SCTR: variants seen among roughly 807,000 people sequenced by gnomAD.
The protein encoded by SCTR is secretin receptor, also known as pancreatic secretin receptor.
Under a neutral mutation model 60.8 loss-of-function variants are expected in SCTR, and 56 were observed. The ratio of observed to expected loss-of-function variants is 0.92; its 90% confidence interval spans 0.74 to 1.15. The LOEUF (loss-of-function observed/expected upper bound fraction) is 1.15, where lower values mean the gene tolerates loss of function less well. Ranked by LOEUF, SCTR falls within the 50% of genes most tolerant of loss-of-function variation. The probability of loss-of-function intolerance (pLI) is 0.00; values close to 1 mark genes in which losing one functional copy is unlikely to be tolerated. For synonymous variants in SCTR, 202 were observed against 217.0 expected, an observed-to-expected ratio of 0.93 and a Z score of 0.61; for missense variants, 562 against 550.4, an observed-to-expected ratio of 1.02 and a Z score of -0.21.
chr2:119,479,119 C>T (rs1169696332), intron 2 of SCTR: 32 of 1,362,138 alleles, frequency 2.3e-5, no homozygotes, highest in Non-Finnish European at 3.0e-5. Context: ...CACGGTAGTG[C>T]TCAGTGTTGA....
intron 7 of SCTR, among the ~76,000 whole-genome samples, chr2:119,455,278 G>A (rs1683331031): frequency 6.6e-6 from 1 of 152,166 alleles, no homozygotes; most frequent in South Asian, 2.1e-4. Flanking sequence ...AGCCATGGGG[G>A]GACCCCCCAA....
intron 4 of SCTR, among the ~76,000 whole-genome samples, chr2:119,469,397 C>T (rs1484557651): frequency 1.3e-5 from 2 of 152,126 alleles, no homozygotes; most frequent in African/African-American, 4.8e-5. Flanking sequence ...CATGTAGACC[C>T]GTTCTTGCCT....
In SCTR at chr2:119,457,332, T is replaced by C. The variant is rs557187361; in HGVS notation, c.791-3985A>G. 3.3e-5 allele frequency among the ~76,000 whole-genome samples: 5 copies of C among 152,328 alleles called. No homozygotes were observed. The East Asian group carries it at 9.6e-4, about 29-fold the overall frequency. ...GTCTCAGTGGTAAACACTATTTACA[T>C]AGATATAATAATGTATACACTGAAT... On this transcript the variant is annotated intron_variant, in intron 7 of 12. Transcript: ENST00000019103.
chr2:119,481,719 A>G (rs903117046), intron 2 of SCTR, among the ~76,000 whole-genome samples: 6 of 152,210 alleles, frequency 3.9e-5, no homozygotes, highest in Non-Finnish European at 7.3e-5. Context: ...CCAGGAGAGC[A>G]CGCCCCTGTG....
At chr2:119,502,287 T>C (rs535179181) in intron 1 of SCTR, among the ~76,000 whole-genome samples, 6 of 151,954 alleles carry the variant, frequency 3.9e-5, no homozygotes, top group Non-Finnish European at 7.4e-5. Flanking sequence ...CAGAATCAAT[T>C]AAAAAAAGAG....
At chr2:119,473,965 G>T (rs569185942) in intron 3 of SCTR, among the ~76,000 whole-genome samples, 2 of 152,266 alleles carry the variant, frequency 1.3e-5, no homozygotes, top group Admixed American at 6.5e-5. Flanking sequence ...GTTTTAAATG[G>T]AACTTCATGC....
chr2:119,486,473 C>T (rs990016065), intron 2 of SCTR: 1 of 152,238 alleles, frequency 6.6e-6, no homozygotes, highest in Non-Finnish European at 1.5e-5. Context: ...GAGAACTCTT[C>T]CTCACCTGAC....
chr2:119,492,056 A>G (rs1045907950), intron 2 of SCTR, among the ~76,000 whole-genome samples: 21 of 152,222 alleles, frequency 1.4e-4, no homozygotes, highest in Non-Finnish European at 2.4e-4. Flanking sequence ...GAGTGTCAGG[A>G]AAGTCTGGCT....
chr2:119,523,392 C>CTATTATTATTAT lies in SCTR; in HGVS notation c.72+751_72+762dup, dbSNP rs70947300. Among the ~76,000 whole-genome samples, 52 of 134,252 alleles carry CTATTATTATTAT rather than the reference C, an allele frequency of 3.9e-4. 1 individual carries two copies. The highest frequency in any genetic ancestry group is 1.1e-3 in the East Asian group (5 of 4,560). 88.1% of individuals were successfully genotyped at this position (134,252 alleles called of 152,430 possible). A position where few individuals can be genotyped will look rare whatever the true frequency, so the allele number is the denominator to read the frequency against. On this transcript the variant is annotated intron_variant, in intron 1 of 12. Transcript: ENST00000019103. Reference sequence around the variant, plus strand: ...GAAAAACAAACCACCCATCCTGCCGCTATTATTATTATTATTATTATTATT... The same window carrying CTATTATTATTAT: ...GAAAAACAAACCACCCATCCTGCCGCTATTATTATTATTATTATTATTATTATTATTATTATT...
rs1239812794 is a variant in SCTR, at chr2:119,463,934, T to C, written c.636+189A>G. ...CTTCTCTCCTACATGACCCAGATTG[T>C]GCACATGTGGCTGTGGAATCTCCCT... is the stretch of plus-strand genomic sequence containing the variant. On this transcript the variant is annotated intron_variant, in intron 6 of 12. Coordinates refer to ENST00000019103, the MANE Select transcript of SCTR (RefSeq NM_002980.3). Among the ~76,000 whole-genome samples, 4 of 151,950 alleles carry C rather than the reference T, an allele frequency of 2.6e-5. No homozygotes were observed. The East Asian group carries it at 7.7e-4, about 29-fold the overall frequency.
chr2:119,493,420 ACCCCT>A (rs1284978195), intron 2 of SCTR, among the ~76,000 whole-genome samples: 3 of 152,124 alleles, frequency 2.0e-5, no homozygotes, highest in Non-Finnish European at 2.9e-5. Context: ...TTAATGCTAT[ACCCCT>A]CCTTATCCTT....
At chr2:119,477,785 G>A (rs1398390866) in intron 3 of SCTR, among the ~76,000 whole-genome samples, 4 of 152,200 alleles carry the variant, frequency 2.6e-5, no homozygotes. Context: ...TTTGCATGAA[G>A]GCTTTGAGAT....
chr2:119,500,917 G>T (rs1321622776), intron 1 of SCTR, among the ~76,000 whole-genome samples: 1 of 152,070 alleles, frequency 6.6e-6, no homozygotes, highest in African/African-American at 2.4e-5. Flanking sequence ...AAATATTTAA[G>T]GTGATGGCTA....
chr2:119,465,677 G>T lies in SCTR; in HGVS notation c.503+112C>A, dbSNP rs980639933. The T allele has an allele frequency of 6.8e-6, 5 of 731,244 alleles. No individual in the cohort carries two copies. The African/African-American group carries it at 7.0e-5, about 10-fold the overall frequency. 45.3% of individuals were successfully genotyped at this position (731,244 alleles called of 1,614,324 possible). ...ATAGGTCAGCTTTAGATCAAGAGAC[G>T]ACAAGGTAGTTCACTCAGACCTTCC... On this transcript the variant is annotated intron_variant, in intron 5 of 12. Coordinates refer to ENST00000019103, the MANE Select transcript of SCTR (RefSeq NM_002980.3).
chr2:119,463,013 T>C (rs1015781324), intron 6 of SCTR, among the ~76,000 whole-genome samples: 2 of 152,084 alleles, frequency 1.3e-5, no homozygotes, highest in Non-Finnish European at 2.9e-5. Context: ...GAGACCTCCT[T>C]GAGAGACATG....
intron 9 of SCTR, among the ~76,000 whole-genome samples, chr2:119,450,106 T>G (rs1683101108): frequency 2.4e-5 from 3 of 124,830 alleles, no homozygotes; most frequent in South Asian, 2.6e-4. Flanking sequence ...AATAAATAAA[T>G]GGAGGGAGGG....
intron 4 of SCTR, among the ~76,000 whole-genome samples, chr2:119,466,764 TATACATAC>T (rs3052360): frequency 0.021 from 3,230 of 151,194 alleles, 122 homozygotes; most frequent in African/African-American, 0.071. Context: ...TAAATAAATA[TATACATAC>T]ATACATACAT....
At chr2:119,447,936 A>C (rs1682995844) in intron 10 of SCTR, among the ~76,000 whole-genome samples, 1 of 152,124 alleles carries the variant, frequency 6.6e-6, no homozygotes, top group Non-Finnish European at 1.5e-5. Flanking sequence ...AAATTTTTAC[A>C]CTGAAGTCCT....
At chr2:119,447,987 G>C (rs1319712344) in intron 10 of SCTR, among the ~76,000 whole-genome samples, 3 of 152,190 alleles carry the variant, frequency 2.0e-5, no homozygotes, top group African/African-American at 7.2e-5. Context: ...TTGGAGAAAG[G>C]TCTTGAAAGA....
Sources: allele counts gnomAD v4.1 joint callset (sites outside exome capture counted in the v4.1 genomes callset), GRCh38; gene constraint gnomAD v4.1.1; transcripts MANE v1.5; gene names NCBI Gene and HGNC (gene_info 2026-07-23, HGNC 2026-07-21).